Variants in EPHA6 observed in about 807,000 individuals in gnomAD.
EPHA6 encodes the protein ephrin type-A receptor 6.
Under a neutral mutation model 112.0 loss-of-function variants are expected in EPHA6, and 50 were observed. The observed-to-expected ratio is 0.45, with a 90% confidence interval of 0.36 to 0.56. The LOEUF (loss-of-function observed/expected upper bound fraction) is 0.56. Ranked by LOEUF, EPHA6 falls within the 20% of genes least tolerant of loss-of-function variation. EPHA6 has a pLI of 0.00. For synonymous variants in EPHA6, 529 were observed against 490.7 expected, an observed-to-expected ratio of 1.08 and a Z score of -1.03; for missense variants, 1,280 against 1,417.4, an observed-to-expected ratio of 0.90 and a Z score of 1.56.
chr3:97,595,979 C>G (rs1378764754), intron 12 of EPHA6, among the ~76,000 whole-genome samples: 3 of 147,210 alleles, frequency 2.0e-5, no homozygotes, highest in African/African-American at 7.5e-5. Context: ...GATCTCGGCT[C>G]ACTGCAAGCT....
intron 3 of EPHA6, among the ~76,000 whole-genome samples, chr3:97,203,613 T>C (rs981820873): frequency 6.6e-6 from 1 of 151,996 alleles, no homozygotes; most frequent in East Asian, 1.9e-4. Flanking sequence ...GGGACAGAAG[T>C]CTGTGAGATG....
intron 11 of EPHA6, among the ~76,000 whole-genome samples, chr3:97,552,001 A>G (rs1458617752): frequency 2.6e-5 from 4 of 152,206 alleles, no homozygotes; most frequent in Non-Finnish European, 5.9e-5. Flanking sequence ...TAATATAATT[A>G]CTTCTTATAT....
intron 3 of EPHA6, among the ~76,000 whole-genome samples, chr3:97,159,007 G>A (rs535412627): frequency 7.9e-5 from 12 of 152,198 alleles, no homozygotes; most frequent in South Asian, 6.2e-4. Flanking sequence ...TTTCCCTTTG[G>A]CTAAATGAGT....
intron 12 of EPHA6, among the ~76,000 whole-genome samples, chr3:97,609,819 A>C (rs184501345): frequency 1.3e-5 from 2 of 151,648 alleles, no homozygotes; most frequent in Non-Finnish European, 3.0e-5. Flanking sequence ...AACTGTGCAT[A>C]GTGCAGATTG....
chr3:97,338,182 C>T (rs1408861927), intron 5 of EPHA6, among the ~76,000 whole-genome samples: 2 of 151,900 alleles, frequency 1.3e-5, no homozygotes, highest in Admixed American at 6.6e-5. Flanking sequence ...TGCAATCCTG[C>T]CACATTGTAC....
In EPHA6 at chr3:97,686,296, T is replaced by C. The variant is rs185732703; in HGVS notation, c.2785-33965T>C. On this transcript the variant is annotated intron_variant, in intron 14 of 17. Transcript: ENST00000389672. The stretch of plus-strand genomic sequence containing the variant: ...AGAATGACTCACTGCAAATGATCAA[T>C]AGTCTGCCTTTCCTTCCTTCCTTCT... Among the ~76,000 whole-genome samples, 166 of 152,286 alleles carry C rather than the reference T, an allele frequency of 1.1e-3. 3 individuals are homozygous for C. The highest frequency in any genetic ancestry group is 9.6e-3 in the Admixed American group (146 of 15,284).
chr3:97,243,534 C>T (rs941714880), intron 4 of EPHA6, among the ~76,000 whole-genome samples: 4 of 151,692 alleles, frequency 2.6e-5, no homozygotes, highest in African/African-American at 9.7e-5. Context: ...GACTGAAAAA[C>T]TTACAACAAT....
intron 11 of EPHA6, among the ~76,000 whole-genome samples, chr3:97,567,457 T>G (rs2093282340): frequency 6.6e-6 from 1 of 152,144 alleles, no homozygotes; most frequent in Non-Finnish European, 1.5e-5. Flanking sequence ...TGAAAACATT[T>G]TGAGAGTGTC....
At chr3:97,564,435 G>A (rs1355692487) in intron 11 of EPHA6, among the ~76,000 whole-genome samples, 1 of 152,032 alleles carries the variant, frequency 6.6e-6, no homozygotes, top group African/African-American at 2.4e-5. Flanking sequence ...ATGTTGTATT[G>A]TTGATATCCT....
intron 5 of EPHA6, among the ~76,000 whole-genome samples, chr3:97,247,548 T>G (rs1356835625): frequency 2.0e-5 from 3 of 151,784 alleles, no homozygotes; most frequent in Non-Finnish European, 4.4e-5. Context: ...TAGAAAGTGA[T>G]TAGGTAAAAT....
chr3:97,570,036 G>A (rs1237418540), intron 11 of EPHA6: 1 of 151,896 alleles, frequency 6.6e-6, no homozygotes, highest in Non-Finnish European at 1.5e-5. Context: ...TCACACTGTT[G>A]CCAGGTTGTA....
chr3:97,517,994 A>G (rs1487198404), intron 10 of EPHA6, among the ~76,000 whole-genome samples: 1 of 152,170 alleles, frequency 6.6e-6, no homozygotes, highest in Non-Finnish European at 1.5e-5. Flanking sequence ...CATTCATCCA[A>G]TAATAGACAC....
At chr3:97,142,189 A>G (rs968331074) in intron 3 of EPHA6, among the ~76,000 whole-genome samples, 3 of 151,920 alleles carry the variant, frequency 2.0e-5, no homozygotes, top group African/African-American at 7.2e-5. Flanking sequence ...GTTGAATACA[A>G]TTTTTCCAAA....
At chr3:96,990,511 G>GT (rs899188806) in intron 3 of EPHA6, among the ~76,000 whole-genome samples, 41 of 151,904 alleles carry the variant, frequency 2.7e-4, no homozygotes, top group Middle Eastern at 3.4e-3. Flanking sequence ...AAAATCAGGT[G>GT]TTTTTTTTAA....
At chr3:96,946,940 T>A (rs1218713368) in intron 2 of EPHA6, among the ~76,000 whole-genome samples, 1 of 152,240 alleles carries the variant, frequency 6.6e-6, no homozygotes, top group African/African-American at 2.4e-5. Flanking sequence ...GATGAGCATT[T>A]TTTCATGTGT....
intron 14 of EPHA6, among the ~76,000 whole-genome samples, chr3:97,686,591 T>G (rs771464091): frequency 3.9e-5 from 6 of 152,212 alleles, no homozygotes; most frequent in Non-Finnish European, 8.8e-5. Flanking sequence ...TTATTACAGT[T>G]CTCAGCCTGT....
chr3:97,542,896 G>C (rs183984768), intron 11 of EPHA6, among the ~76,000 whole-genome samples: 153 of 152,184 alleles, frequency 1.0e-3, no homozygotes, highest in African/African-American at 3.4e-3. Flanking sequence ...ATGTCTTCTT[G>C]TGAGAAGTGT....
At chr3:97,089,290 A>G (rs1042388622) in intron 3 of EPHA6, among the ~76,000 whole-genome samples, 7 of 152,150 alleles carry the variant, frequency 4.6e-5, no homozygotes, top group African/African-American at 9.7e-5. Flanking sequence ...ACTAATATCA[A>G]ACTTGTTGAT....
intron 2 of EPHA6, among the ~76,000 whole-genome samples, chr3:96,885,987 A>G (rs1279893672): frequency 6.6e-6 from 1 of 152,168 alleles, no homozygotes; most frequent in Non-Finnish European, 1.5e-5. Context: ...TGACCCAATG[A>G]TCATTCAGGA....
Sources: allele counts gnomAD v4.1 joint callset (sites outside exome capture counted in the v4.1 genomes callset), GRCh38; gene constraint gnomAD v4.1.1; transcripts MANE v1.5; gene names NCBI Gene and HGNC (gene_info 2026-07-23, HGNC 2026-07-21).